The following GLA variants were observed in gnomAD, a reference collection of about 807,000 sequenced individuals.
GLA encodes the protein galactosidase alpha.
Under a neutral mutation model 28.2 loss-of-function variants are expected in GLA, and 4 were observed. The ratio of observed to expected loss-of-function variants is 0.14; its 90% CI spans 0.07 to 0.32. GLA has a LOEUF of 0.32. GLA is among the 10% of genes least tolerant of loss of function. The pLI is 1.00. For synonymous variants in GLA, 94 were observed against 113.0 expected, an observed-to-expected ratio of 0.83 and a Z score of 1.07; for missense variants, 203 against 323.7, an observed-to-expected ratio of 0.63 and a Z score of 2.86.
chrX:101,398,456 G>A lies in GLA; in HGVS notation c.913C>T (p.Pro305Ser). Residue 305 changes from proline to serine, a missense_variant, in exon 6 of 7, where the codon CCT becomes TCT. Physicochemically the swap from Pro to Ser is moderately conservative, Grantham distance 74. Coordinates refer to ENST00000218516, the MANE Select transcript of GLA (RefSeq NM_000169.3). ...FMSNDLRHIS[P>S]QAKALLQDKD... The stretch of plus-strand genomic sequence containing the variant: ...TCCTGAAGGAGAGCTTTGGCTTGAG[G>A]GCTGATGTGTCGGAGGTCATTAGAC... The A allele has an allele frequency of 8.3e-7, 1 of 1,207,097 alleles. No individual in the cohort carries two copies. The highest frequency in any genetic ancestry group is 1.1e-6 in the Non-Finnish European group (1 of 891,291).
intron 1 of GLA, among the ~76,000 whole-genome samples, 188 bp downstream of exon 1, chrX:101,407,522 G>A (rs924969817): frequency 9.0e-6 from 1 of 110,878 alleles, no homozygotes; most frequent in Non-Finnish European, 1.9e-5. Context: ...TCCCAGGAAA[G>A]GTCACACAGA....
In GLA at chrX:101,398,374, C is replaced by T. The variant is rs782126889; in HGVS notation, c.995G>A (p.Arg332Lys). ...DPLGKQGYQL[R>K]QGDNFEVWER... is the part of the protein sequence containing the mutation. ...AAAATATATACTCTTATTTACCTGT[C>T]TAAGCTGGTACCCTTGCTTGCCCAA... The change falls in exon 6 of 7, where the codon AGA becomes AAA. Residue 332 changes from arginine (R) to lysine (K), a missense_variant. Arg to Lys is a conservative substitution (Grantham distance 26, BLOSUM62 2). Around this residue, in one of 3 missense-constraint regions of GLA, gnomAD observed 162 missense variants for 246.8 expected, o/e 0.66. Coordinates refer to ENST00000218516, the MANE Select transcript of GLA (RefSeq NM_000169.3). 8.4e-6 allele frequency: 10 copies of T among 1,193,806 alleles called. No homozygotes were observed. Among genetic ancestry groups the T allele is most frequent in the Non-Finnish European group, 1.1e-5 (10 of 880,651 alleles).
At chrX:101,406,033 T>G (rs1438604456) in intron 1 of GLA, among the ~76,000 whole-genome samples, 1 of 75,908 alleles carries the variant, frequency 1.3e-5, no homozygotes. Flanking sequence ...TGAAACCCCG[T>G]CTGTACTAAA....
Position 101,401,706 on chromosome X carries a change from G to T in GLA, c.473C>A (p.Thr158Asn). ...SFGYYDIDAQ[T>N]FADWGVDLLK... is the part of the protein sequence containing the mutation. The stretch of plus-strand genomic sequence containing the variant: ...CAGATCTACTCCCCAGTCAGCAAAG[G>T]TCTGGGCATCAATGTCGTAGTATCC... The change falls in exon 3 of 7, where the codon ACC (threonine) becomes AAC (asparagine). Residue 158 changes from threonine to asparagine, a missense_variant. Transcript: ENST00000218516. 1 of 1,208,995 alleles carries T rather than the reference G, an allele frequency of 8.3e-7. No individual in the cohort carries two copies. The highest frequency in any genetic ancestry group is 1.1e-6 in the Non-Finnish European group (1 of 893,034).
At chrX:101,404,039 C>A in intron 1 of GLA, 54 bp from the exon 2 acceptor site, 3 of 1,087,328 alleles carry the variant, frequency 2.8e-6, no homozygotes, top group Non-Finnish European at 3.8e-6. Context: ...CACTTAGGTA[C>A]CTCCCATTTA....
Position 101,398,410 on chromosome X carries a change from T to C in GLA, c.959A>G (p.Asn320Ser). ...CCCTTGCTTGCCCAAGGGGTCCTGA[T>C]TGATGGCAATTACGTCCTTATCCTG... ...LLQDKDVIAI[N>S]QDPLGKQGYQ... is the part of the protein sequence containing the mutation. The change falls in exon 6 of 7, where the codon AAT becomes AGT. Residue 320 changes from asparagine (N) to serine (S), a missense_variant. This residue lies in a region of GLA where 162 missense variants were observed against 246.8 expected (regional missense o/e 0.66). Transcript: ENST00000218516. 1 of 1,209,938 alleles carries C rather than the reference T, an allele frequency of 8.3e-7. No individual in the cohort carries two copies. The highest frequency in any genetic ancestry group is 1.1e-6 in the Non-Finnish European group (1 of 894,041).
In GLA at chrX:101,397,886, T is replaced by G; in HGVS notation, c.1213A>C (p.Ser405Arg). Residue 405 changes from serine (S) to arginine (R), a missense_variant, in exon 7 of 7, where the codon AGT becomes CGT. Transcript: ENST00000218516. ...GFYEWTSRLR[S>R]HINPTGTVLL... ...ACAGTGCCTGTGGGATTTATGTGAC[T>G]TCTTAACCTTGAAGTCCATTCATAG... is the stretch of plus-strand genomic sequence containing the variant. 1.7e-6 allele frequency: 2 copies of G among 1,207,131 alleles called. No homozygotes were observed. The highest frequency in any genetic ancestry group is 2.2e-6 in the Non-Finnish European group (2 of 890,704).
In GLA at chrX:101,398,363, T is replaced by C; in HGVS notation, c.999+7A>G. The C allele has an allele frequency of 8.5e-7, 1 of 1,174,988 alleles. No individual in the cohort carries two copies. Among genetic ancestry groups the C allele is most frequent in the Non-Finnish European group, 1.2e-6 (1 of 862,251 alleles). On this transcript the variant is annotated splice_region_variant and intron_variant, in intron 6 of 6. Transcript: ENST00000218516. ...AAAGCCATCTTAAAATATATACTCT[T>C]ATTTACCTGTCTAAGCTGGTACCCT...
At chrX:101,406,582 T>G (rs1395856041) in intron 1 of GLA, among the ~76,000 whole-genome samples, 1 of 111,941 alleles carries the variant, frequency 8.9e-6, no homozygotes, top group African/African-American at 3.3e-5. Context: ...TTGCCACACA[T>G]ACTGTACCAC....
At chrX:101,404,664 G>A (rs782063693) in intron 1 of GLA, among the ~76,000 whole-genome samples, 15 of 99,916 alleles carry the variant, frequency 1.5e-4, no homozygotes, top group Middle Eastern at 4.7e-3. Flanking sequence ...CTGCCTCCCC[G>A]GTTCAAGCGA....
chrX:101,404,792 C>A (rs12394005), intron 1 of GLA, among the ~76,000 whole-genome samples: 7,450 of 109,699 alleles, frequency 0.068, 320 homozygotes, highest in African/African-American at 0.15. Context: ...TAGTCTTGAA[C>A]TCCTGGCCTC....
chrX:101,398,708 C>G, intron 5 of GLA, 77 bp downstream of exon 5: 3 of 1,096,508 alleles, frequency 2.7e-6, no homozygotes, highest in Non-Finnish European at 3.8e-6. Context: ...AGGAACTTTA[C>G]CTGTATTTAC....
At position 101,398,109 on chromosome X, in the gene GLA, C is replaced by G. The variant is rs869312203; in HGVS notation, c.1000-10G>C. ...CTTCAAAGTTGTCTCCCTGAAAAACCAAGAAAGTGTGGTTGCTTAGCAACT... is the reference window on the plus strand; with the variant it reads ...CTTCAAAGTTGTCTCCCTGAAAAACGAAGAAAGTGTGGTTGCTTAGCAACT... On this transcript the variant is annotated splice_polypyrimidine_tract_variant and intron_variant, in intron 6 of 6. Transcript: ENST00000218516. The G allele has an allele frequency of 8.3e-7, 1 of 1,206,078 alleles. No individual in the cohort carries two copies. The highest frequency in any genetic ancestry group is 1.1e-6 in the Non-Finnish European group (1 of 890,337).
Position 101,407,601 on chromosome X carries a change from G to A in GLA, c.194+109C>T, listed in dbSNP as rs188387668. 336 of 715,678 alleles carry A rather than the reference G, an allele frequency of 4.7e-4. 2 individuals carry two copies. In the Admixed American group the frequency reaches 7.3e-3, roughly 16 times the overall value. The allele number at this position is 715,678 out of a possible 1,213,427, so 59.0% of individuals were successfully genotyped here. A position where few individuals can be genotyped will look rare whatever the true frequency, so the allele number is the denominator to read the frequency against. On this transcript the variant is annotated intron_variant, in intron 1 of 6. Transcript: ENST00000218516. ...TAAAAAAGCAGCAGCAGAGTCGGGT[G>A]GGGGAGCTCTCCCTCGGGCTCAACT...
At chrX:101,398,677 T>C in intron 5 of GLA, 108 bp downstream of exon 5, 1 of 1,023,942 alleles carries the variant, frequency 9.8e-7, no homozygotes, top group South Asian at 1.9e-5. Context: ...CTCTAAGTAC[T>C]CTCACATAAA....
chrX:101,406,107 G>A (rs1354706513), intron 1 of GLA, among the ~76,000 whole-genome samples: 2 of 103,206 alleles, frequency 1.9e-5, no homozygotes, highest in African/African-American at 7.1e-5. Flanking sequence ...AGCTACTCGG[G>A]AGGCTGAGGC....
Position 101,399,951 on chromosome X carries a change from G to A in GLA, c.639+715C>T, listed in dbSNP as rs781830450. ...CGGCCCTTTAAAAATCTTTGGGGAAGAACTGTTCTAGGCAGAAAAAAAGCA... is the reference window on the plus strand; with the variant it reads ...CGGCCCTTTAAAAATCTTTGGGGAAAAACTGTTCTAGGCAGAAAAAAAGCA... On this transcript the variant is annotated intron_variant, in intron 4 of 6. Transcript: ENST00000218516. 2.2e-3 allele frequency among the ~76,000 whole-genome samples: 245 copies of A among 111,731 alleles called. No homozygotes were observed. The highest frequency in any genetic ancestry group is 9.1e-3 in the Middle Eastern group (2 of 219).
At chrX:101,400,576 C>T (rs1477395664) in intron 4 of GLA, 90 bp downstream of exon 4, 20 of 536,301 alleles carry the variant, frequency 3.7e-5, no homozygotes, top group African/African-American at 3.0e-4. Flanking sequence ...TAGTAAGTAA[C>T]GTTGGACTTT....
Position 101,403,794 on chromosome X carries a change from A to T in GLA, c.369+17T>A, listed in dbSNP as rs782644591. ...TACAGTCCTCTGAATGAACAAGAAC[A>T]TTATCTATAAACTCACATAATTAGC... is the stretch of plus-strand genomic sequence containing the variant. On this transcript the variant is annotated intron_variant, in intron 2 of 6. Transcript: ENST00000218516. 1 of 1,198,623 alleles carries T rather than the reference A, an allele frequency of 8.3e-7. No individual in the cohort carries two copies. Among genetic ancestry groups the T allele is most frequent in the Non-Finnish European group, 1.1e-6 (1 of 883,435 alleles).
Sources: gnomAD v4.1 joint callset for allele counts (sites outside exome capture counted in the v4.1 genomes callset) on GRCh38, gnomAD v4.1.1 for gene constraint, gnomAD v4.1.1 regional missense constraint, MANE v1.5 for transcripts, NCBI Gene and HGNC (gene_info 2026-07-23, HGNC 2026-07-21) for gene names.